The following LRP1B variants were observed in gnomAD, a reference collection of about 807,000 sequenced individuals.
LRP1B encodes the protein low-density lipoprotein receptor-related protein 1B.
Under a neutral mutation model 556.6 loss-of-function variants are expected in LRP1B, and 217 were observed. That is an observed-to-expected ratio of 0.39 (90% CI 0.35 to 0.44). The LOEUF (loss-of-function observed/expected upper bound fraction) is 0.44. Ranked by LOEUF, LRP1B falls within the 20% of genes least tolerant of loss-of-function variation. The pLI is 1.00. For synonymous variants in LRP1B, 2,047 were observed against 1,865.8 expected (o/e 1.10, Z -2.50); for missense variants, 5,053 against 5,620.8 (o/e 0.90, Z 3.23).
At chr2:141,331,040 G>A (rs1165635933) in intron 3 of LRP1B, among the ~76,000 whole-genome samples, 1 of 152,310 alleles carries the variant, frequency 6.6e-6, no homozygotes, top group Middle Eastern at 3.4e-3. Flanking sequence ...TTACAGGCGT[G>A]ACAAACCCTA....
At chr2:140,376,970 C>T (rs1395195873) in intron 68 of LRP1B, among the ~76,000 whole-genome samples, 3 of 151,420 alleles carry the variant, frequency 2.0e-5, no homozygotes, top group East Asian at 1.9e-4. Context: ...CTATGGTCAG[C>T]GGGCGGGCAT....
chr2:140,380,372 A>G (rs555673186), intron 67 of LRP1B, among the ~76,000 whole-genome samples: 1 of 152,332 alleles, frequency 6.6e-6, no homozygotes, highest in African/African-American at 2.4e-5. Context: ...TCTAAAGCAC[A>G]TGGCTAGCAA....
At chr2:141,151,057 A>G (rs2105082988) in intron 7 of LRP1B, among the ~76,000 whole-genome samples, 1 of 152,306 alleles carries the variant, frequency 6.6e-6, no homozygotes, top group Middle Eastern at 3.4e-3. Context: ...CACACTATCA[A>G]GGAATTTACA....
At chr2:141,586,804 T>C (rs1687151317) in intron 2 of LRP1B, among the ~76,000 whole-genome samples, 1 of 151,862 alleles carries the variant, frequency 6.6e-6, no homozygotes, top group Non-Finnish European at 1.5e-5. Flanking sequence ...TAGCCGGGCA[T>C]GGTGGCGGGC....
intron 11 of LRP1B, among the ~76,000 whole-genome samples, chr2:141,040,420 C>G (rs1231877311): frequency 2.0e-5 from 3 of 152,020 alleles, no homozygotes; most frequent in Admixed American, 1.3e-4. Context: ...CAAAGTTATA[C>G]AATGCTGAAG....
intron 25 of LRP1B, among the ~76,000 whole-genome samples, chr2:140,878,904 G>T (rs1329222876): frequency 1.3e-5 from 2 of 151,186 alleles, no homozygotes; most frequent in African/African-American, 2.4e-5. Flanking sequence ...CTACAGAATT[G>T]CTTGAACCCG....
In LRP1B at chr2:140,288,639, C is replaced by T. The variant is rs529982514; in HGVS notation, c.12967+9169G>A. ...TGTTTTAAGTACTCAATTTTGTTTT[C>T]AGGTAATTATTTGTGAATCCATGCA... On this transcript the variant is annotated intron_variant, in intron 84 of 90. Coordinates refer to ENST00000389484, the MANE Select transcript of LRP1B (RefSeq NM_018557.3). Among the ~76,000 whole-genome samples, 10 of 151,846 alleles carry T rather than the reference C, an allele frequency of 6.6e-5. No homozygotes were observed. The East Asian group carries it at 1.9e-3, about 30-fold the overall frequency.
intron 76 of LRP1B, among the ~76,000 whole-genome samples, chr2:140,351,567 A>C (rs929487440): frequency 5.9e-5 from 9 of 152,096 alleles, no homozygotes; most frequent in African/African-American, 1.9e-4. Context: ...TTAAAGTTCT[A>C]TAATCTCTAA....
At chr2:141,467,955 G>A (rs1370355001) in intron 3 of LRP1B, among the ~76,000 whole-genome samples, 1 of 151,462 alleles carries the variant, frequency 6.6e-6, no homozygotes, top group Admixed American at 6.6e-5. Context: ...CCGTATGTTT[G>A]TCATCTCTGC....
intron 31 of LRP1B, among the ~76,000 whole-genome samples, chr2:140,826,722 C>T (rs1357932907): frequency 6.6e-6 from 1 of 152,128 alleles, no homozygotes; most frequent in Middle Eastern, 3.2e-3. Context: ...TCCCTAGCAT[C>T]TTGGATCCCC....
chr2:140,928,288 A>G (rs1415463246), intron 20 of LRP1B, among the ~76,000 whole-genome samples: 2 of 152,200 alleles, frequency 1.3e-5, no homozygotes, highest in Non-Finnish European at 2.9e-5. Context: ...AATATTATAG[A>G]TAGTATAACA....
intron 3 of LRP1B, among the ~76,000 whole-genome samples, chr2:141,327,369 C>T (rs1375393567): frequency 6.6e-6 from 1 of 151,990 alleles, no homozygotes; most frequent in African/African-American, 2.4e-5. Context: ...TAGTCACAGT[C>T]GTGGATGGGT....
chr2:140,259,578 G>A (rs1054453565), intron 86 of LRP1B, among the ~76,000 whole-genome samples: 8 of 151,928 alleles, frequency 5.3e-5, no homozygotes, highest in African/African-American at 1.7e-4. Context: ...AATGATAAGT[G>A]TATCATAAGC....
At chr2:141,396,505 G>T (rs968930019) in intron 3 of LRP1B, among the ~76,000 whole-genome samples, 2 of 151,928 alleles carry the variant, frequency 1.3e-5, no homozygotes, top group African/African-American at 2.4e-5. Context: ...TAAAGCCAAT[G>T]ATAAAAATTT....
At chr2:140,623,956 G>GTATGTATGTATATATATATATATATATA (rs1553501210) in intron 41 of LRP1B, among the ~76,000 whole-genome samples, 2 of 106,436 alleles carry the variant, frequency 1.9e-5, no homozygotes, top group East Asian at 6.1e-4. Context: ...TTTTATTTAT[G>GTATGTATGTATATATATATATATATATA]TATATATATA....
chr2:140,501,974 A>AAATC (rs1226517308), intron 54 of LRP1B, 100 bp from the exon 55 acceptor site: 3 of 762,880 alleles, frequency 3.9e-6, no homozygotes, highest in Non-Finnish European at 5.9e-6. Context: ...CAGGTGTCAA[A>AAATC]AATCATAATA....
chr2:141,545,363 G>A (rs1685514369), intron 2 of LRP1B, among the ~76,000 whole-genome samples: 1 of 152,122 alleles, frequency 6.6e-6, no homozygotes, highest in South Asian at 2.1e-4. Context: ...ACACAGTTTG[G>A]CCCATGGTTT....
intron 23 of LRP1B, among the ~76,000 whole-genome samples, chr2:140,900,072 T>C (rs1189011808): frequency 3.3e-5 from 5 of 152,198 alleles, no homozygotes; most frequent in Non-Finnish European, 7.3e-5. Context: ...ATGACCCTTA[T>C]TATGGGGAGG....
At chr2:141,295,443 T>C (rs1010206547) in intron 3 of LRP1B, among the ~76,000 whole-genome samples, 4 of 152,170 alleles carry the variant, frequency 2.6e-5, no homozygotes, top group Admixed American at 1.3e-4. Context: ...ACCTAGGTTT[T>C]AATGAATCTC....
Sources: gnomAD v4.1 joint callset for allele counts (sites outside exome capture counted in the v4.1 genomes callset) on GRCh38, gnomAD v4.1.1 for gene constraint, MANE v1.5 for transcripts, NCBI Gene and HGNC (gene_info 2026-07-23, HGNC 2026-07-21) for gene names.